The following INSC variants were observed in gnomAD, a reference collection of about 807,000 sequenced individuals.
INSC encodes the protein protein inscuteable homolog.
A neutral mutation model predicts 58.6 loss-of-function variants in INSC; 67 were observed. The observed-to-expected ratio is 1.14, with a 90% CI of 0.94 to 1.40. The LOEUF is 1.40. Ranked by LOEUF, INSC falls within the 40% of genes most tolerant of loss-of-function variation. INSC has a pLI of 0.00. For synonymous variants in INSC, 262 were observed against 276.1 expected (o/e 0.95, Z 0.51); for missense variants, 714 against 692.0 (o/e 1.03, Z -0.36).
intron 12 of INSC, among the ~76,000 whole-genome samples, chr11:15,242,376 G>A (rs1363571330): frequency 3.3e-5 from 5 of 152,200 alleles, no homozygotes; most frequent in Non-Finnish European, 7.3e-5. Context: ...GGATGAGTTG[G>A]TGGATGCTGA....
chr11:15,136,149 A>C (rs1031586259), intron 1 of INSC, among the ~76,000 whole-genome samples: 5 of 152,364 alleles, frequency 3.3e-5, no homozygotes, highest in South Asian at 4.1e-4. Context: ...AAATTGTTAC[A>C]TTTCCCACTG....
intron 5 of INSC, among the ~76,000 whole-genome samples, chr11:15,184,948 A>G (rs1849911101): frequency 1.3e-5 from 2 of 152,242 alleles, no homozygotes; most frequent in East Asian, 3.8e-4. Context: ...TCTCTGAATA[A>G]TTCGGGTGAC....
At chr11:15,207,408 G>T (rs1850846025) in intron 7 of INSC, among the ~76,000 whole-genome samples, 2 of 152,210 alleles carry the variant, frequency 1.3e-5, no homozygotes, top group Non-Finnish European at 1.5e-5. Flanking sequence ...AGGGGAGAGC[G>T]GGGAGGACGG....
chr11:15,177,243 G>A (rs1396362598), intron 4 of INSC, 80 bp downstream of exon 4: 1 of 1,105,884 alleles, frequency 9.0e-7, no homozygotes, highest in African/African-American at 1.5e-5. Context: ...TCTCCCAGAG[G>A]GAGAATGGGA....
At chr11:15,111,824 A>C (rs1453139948), upstream of INSC, among the ~76,000 whole-genome samples, 1 of 152,192 alleles carries the variant, frequency 6.6e-6, no homozygotes, top group Admixed American at 6.5e-5. Context: ...CCTGGTGCTC[A>C]TGTGTTAGGC....
intron 2 of INSC, among the ~76,000 whole-genome samples, chr11:15,173,801 G>A (rs1238583996): frequency 6.6e-6 from 1 of 152,120 alleles, no homozygotes; most frequent in African/African-American, 2.4e-5. Flanking sequence ...AACATAAGAT[G>A]TGTGGTTAAA....
intron 6 of INSC, among the ~76,000 whole-genome samples, chr11:15,194,540 G>A (rs991613505): frequency 3.3e-5 from 5 of 152,164 alleles, no homozygotes; most frequent in South Asian, 2.1e-4. Context: ...ATTAGAGCAC[G>A]GTAAATGCTT....
intron 7 of INSC, among the ~76,000 whole-genome samples, chr11:15,204,089 G>A (rs1287588186): frequency 6.6e-6 from 1 of 152,186 alleles, no homozygotes; most frequent in African/African-American, 2.4e-5. Context: ...GTTCTAGCAG[G>A]TAAGGAAGAT....
chr11:15,183,351 CA>C (rs66894801), intron 5 of INSC, among the ~76,000 whole-genome samples: 33,083 of 80,636 alleles, frequency 0.41, 3,993 homozygotes, highest in Non-Finnish European at 0.44. Flanking sequence ...AACTCCATCT[CA>C]AAAAAAAAAA....
chr11:15,120,417 T>C (rs2133684032), intron 1 of INSC, among the ~76,000 whole-genome samples: 1 of 152,284 alleles, frequency 6.6e-6, no homozygotes, highest in Non-Finnish European at 1.5e-5. Context: ...AGCAAGGAAG[T>C]GTTGTCTCCA....
chr11:15,182,976 A>G (rs773269367), intron 5 of INSC, among the ~76,000 whole-genome samples: 6 of 152,194 alleles, frequency 3.9e-5, no homozygotes, highest in Non-Finnish European at 8.8e-5. Flanking sequence ...GCTTTCATTC[A>G]TGAACCATTA....
chr11:15,118,117 T>A (rs1478875640), intron 1 of INSC, among the ~76,000 whole-genome samples: 1 of 152,112 alleles, frequency 6.6e-6, no homozygotes, highest in Non-Finnish European at 1.5e-5. Flanking sequence ...GAACACAACA[T>A]CTCTGATCAG....
chr11:15,196,138 A>G (rs970891247), intron 6 of INSC, among the ~76,000 whole-genome samples: 2 of 152,190 alleles, frequency 1.3e-5, no homozygotes, highest in Non-Finnish European at 2.9e-5. Context: ...TAATCCTTTG[A>G]TTATTTACAT....
intron 12 of INSC, among the ~76,000 whole-genome samples, chr11:15,245,104 G>A (rs1315018800): frequency 2.0e-5 from 3 of 152,210 alleles, no homozygotes; most frequent in East Asian, 1.9e-4. Context: ...GGAGCTCAGA[G>A]TCTAGTGTGG....
downstream of INSC, among the ~76,000 whole-genome samples, chr11:15,248,684 G>A (rs1392733065): frequency 6.6e-6 from 1 of 152,130 alleles, no homozygotes; most frequent in Non-Finnish European, 1.5e-5. Flanking sequence ...CACAGAACTG[G>A]AAGAGATTAA....
chr11:15,141,663 G>C (rs1236535968), intron 1 of INSC, among the ~76,000 whole-genome samples: 1 of 152,082 alleles, frequency 6.6e-6, no homozygotes, highest in African/African-American at 2.4e-5. Flanking sequence ...TCTGATTGCT[G>C]CAGGATGCCA....
At chr11:15,156,666 G>T (rs11023456) in intron 2 of INSC, among the ~76,000 whole-genome samples, 29,015 of 152,124 alleles carry the variant, frequency 0.19, 3,127 homozygotes, top group Middle Eastern at 0.31. Flanking sequence ...ATGTAATGCC[G>T]CTAGGCCTCA....
chr11:15,236,113 T>C (rs1243024042), intron 10 of INSC, among the ~76,000 whole-genome samples: 3 of 149,636 alleles, frequency 2.0e-5, no homozygotes, highest in Admixed American at 1.3e-4. Context: ...CCTGAGCATA[T>C]ATGTGTGTGC....
Position 15,201,084 on chromosome 11 carries a change from T to G in INSC, c.819+135T>G, listed in dbSNP as rs949432935. 6 of 1,133,134 alleles carry G rather than the reference T, an allele frequency of 5.3e-6. No homozygotes were observed. In the African/African-American group the frequency reaches 9.4e-5, roughly 18 times the overall value. The allele number at this position is 1,133,134 out of a possible 1,614,324, so 70.2% of individuals were successfully genotyped here. A position where few individuals can be genotyped will look rare whatever the true frequency, so the allele number is the denominator to read the frequency against. On this transcript the variant is annotated intron_variant, in intron 7 of 12. Transcript: ENST00000379556. Reference sequence around the variant, plus strand: ...GTCCTTTTCCCAGGCACCATTCGGATAGGGTGGCTGGGACCTGGACTATGG... The same window carrying G: ...GTCCTTTTCCCAGGCACCATTCGGAGAGGGTGGCTGGGACCTGGACTATGG...
Sources: gnomAD v4.1 joint callset for allele counts (sites outside exome capture counted in the v4.1 genomes callset) on GRCh38, gnomAD v4.1.1 for gene constraint, MANE v1.5 for transcripts, NCBI Gene and HGNC (gene_info 2026-07-23, HGNC 2026-07-21) for gene names.